Variants in PTX4 observed in about 807,000 individuals in gnomAD.
PTX4 encodes pentraxin 4, also known as pentraxin-4.
In PTX4, 23 loss-of-function variants were observed where a neutral mutation model predicts 19.1. That is an observed-to-expected ratio of 1.20 (90% CI 0.87 to 1.70). The LOEUF (loss-of-function observed/expected upper bound fraction) is 1.70, where lower values mean the gene tolerates loss of function less well. Ranked by LOEUF, PTX4 falls within the 40% of genes most tolerant of loss-of-function variation. The pLI is 0.00. For missense variants in PTX4, 678 were observed against 610.5 expected, an observed-to-expected ratio of 1.11 and a Z score of -1.17; for synonymous variants, 317 against 279.6, an observed-to-expected ratio of 1.13 and a Z score of -1.33.
In PTX4 at chr16:1,487,884, G is replaced by A; in HGVS notation, c.228C>T (p.Phe76=). ...YNVSYNVDVR[F]RSLAEESQAV... The stretch of plus-strand genomic sequence containing the variant: ...CCTGGCTCTCTTCCGCCAGGCTCCG[G>A]AACCGGACGTCAACGTTGTAGGACA... The change falls in exon 2 of 3, where the codon TTC becomes TTT. Residue 76 remains phenylalanine, a synonymous_variant. Coordinates refer to ENST00000447419, the MANE Select transcript of PTX4 (RefSeq NM_001328608.2). The A allele has an allele frequency of 1.9e-6, 3 of 1,612,936 alleles. No individual in the cohort carries two copies. The highest frequency in any genetic ancestry group is 2.5e-6 in the Non-Finnish European group (3 of 1,179,900).
chr16:1,488,510 T>G (rs1355028551), intron 1 of PTX4: 1 of 1,578,028 alleles, frequency 6.3e-7, no homozygotes, highest in East Asian at 2.3e-5. Flanking sequence ...CCTGACTCCC[T>G]TCCAGACCCC....
chr16:1,487,902 G>A lies in PTX4; in HGVS notation c.210C>T (p.Tyr70=), dbSNP rs769960190. 1.9e-6 allele frequency: 3 copies of A among 1,612,222 alleles called. No homozygotes were observed. In the African/African-American group the frequency reaches 4.0e-5, roughly 22 times the overall value. Residue 70 remains tyrosine, a synonymous_variant, in exon 2 of 3, where the codon TAC becomes TAT. Coordinates refer to ENST00000447419, the MANE Select transcript of PTX4 (RefSeq NM_001328608.2). ...QNIASNYNVS[Y]NVDVRFRSLA... Reference sequence around the variant, plus strand: ...GGCTCCGGAACCGGACGTCAACGTTGTAGGACACGTTGTAGTTGCTGGCGA... The same window carrying A: ...GGCTCCGGAACCGGACGTCAACGTTATAGGACACGTTGTAGTTGCTGGCGA...
chr16:1,488,895 C>T lies in PTX4; in HGVS notation c.15G>A (p.Trp5Ter), dbSNP rs1326834761. The change falls in exon 1 of 3, where the codon TGG becomes TGA. Residue 5 changes from tryptophan to a stop codon, truncating the protein, a stop_gained. Transcript: ENST00000447419. LOFTEE classifies it high-confidence loss of function. MGCS[W>*]RKTLSFFLVF... is the part of the protein sequence containing the mutation. ...CAAGGAAGAAAGACAAGGTCTTCCT[C>T]CACGAGCAACCCATCCGGAGAGACG... 1.4e-6 allele frequency: 1 copy of T among 699,826 alleles called. No homozygotes were observed. Among genetic ancestry groups the T allele is most frequent in the African/African-American group, 1.7e-5 (1 of 57,210 alleles). 43.4% of individuals were successfully genotyped at this position (699,826 alleles called of 1,614,324 possible). A position where few individuals can be genotyped will look rare whatever the true frequency, so the allele number is the denominator to read the frequency against.
Position 1,487,872 on chromosome 16 carries a change from C to T in PTX4, c.240G>A (p.Ala80=), listed in dbSNP as rs759677707. 8.1e-6 allele frequency: 13 copies of T among 1,612,930 alleles called. No homozygotes were observed. Among genetic ancestry groups the T allele is most frequent in the African/African-American group, 2.7e-5 (2 of 74,934 alleles). Residue 80 remains alanine (A), a synonymous_variant, in exon 2 of 3, where the codon GCG becomes GCA. Coordinates refer to ENST00000447419, the MANE Select transcript of PTX4 (RefSeq NM_001328608.2). ...YNVDVRFRSL[A]EESQAVAQAV... is the part of the protein sequence containing the mutation. ...CCTGAGCCACAGCCTGGCTCTCTTCCGCCAGGCTCCGGAACCGGACGTCAA... is the reference window on the plus strand; with the variant it reads ...CCTGAGCCACAGCCTGGCTCTCTTCTGCCAGGCTCCGGAACCGGACGTCAA...
At chr16:1,486,676 C>A (rs12928073) in intron 2 of PTX4, 97 bp from the exon 3 acceptor site, 214,468 of 1,296,688 alleles carry the variant, frequency 0.17, 20,369 homozygotes, top group East Asian at 0.48. Context: ...CCACTCCCGG[C>A]TGCCACCCTT....
rs779993013 is a variant in PTX4, at chr16:1,487,953, C to T, written c.159G>A (p.Glu53=). 6.3e-7 allele frequency: 1 copy of T among 1,584,826 alleles called. No homozygotes were observed. ...TGTTCTGCAGGTGTGTCCAGGTCACCTCCTGGAATCTCCGGAACTGTAAGG... is the reference window on the plus strand; with the variant it reads ...TGTTCTGCAGGTGTGTCCAGGTCACTTCCTGGAATCTCCGGAACTGTAAGG... The part of the protein sequence containing the change: ...RLEEQFRRFQ[E]VTWTHLQNIA... Residue 53 remains glutamate (E), a synonymous_variant, in exon 2 of 3, where the codon GAG becomes GAA. Coordinates refer to ENST00000447419, the MANE Select transcript of PTX4 (RefSeq NM_001328608.2).
At position 1,487,460 on chromosome 16, in the gene PTX4, C is replaced by T; in HGVS notation, c.652G>A (p.Glu218Lys). The change falls in exon 2 of 3, where the codon GAG (glutamate) becomes AAG (lysine). Residue 218 changes from glutamate (E) to lysine (K), a missense_variant. Coordinates refer to ENST00000447419, the MANE Select transcript of PTX4 (RefSeq NM_001328608.2). ...RDRQELRAAS[E>K]HRGPPQDSSA... is the part of the protein sequence containing the mutation. ...GAGTCCTGTGGGGGGCCCCTGTGCT[C>T]AGAGGCAGCTCGGAGCTCCTGCCTG... is the stretch of plus-strand genomic sequence containing the variant. 1 of 1,509,968 alleles carries T rather than the reference C, an allele frequency of 6.6e-7. No homozygotes were observed. Among genetic ancestry groups the T allele is most frequent in the Non-Finnish European group, 8.8e-7 (1 of 1,130,614 alleles). The allele number at this position is 1,509,968 out of a possible 1,614,324, so 93.5% of individuals were successfully genotyped here. A position where few individuals can be genotyped will look rare whatever the true frequency, so the allele number is the denominator to read the frequency against.
At chr16:1,488,346 C>A (rs766152448) in intron 1 of PTX4, 1 of 1,613,422 alleles carries the variant, frequency 6.2e-7, no homozygotes, top group Non-Finnish European at 8.5e-7. Flanking sequence ...AAGCACCCAG[C>A]GCAGGCCCGA....
intron 1 of PTX4, chr16:1,488,518 C>T (rs1225315490): frequency 3.9e-6 from 6 of 1,552,928 alleles, no homozygotes; most frequent in Non-Finnish European, 5.3e-6. Flanking sequence ...CCTTCCAGAC[C>T]CCCTTCTAGC....
At chr16:1,487,191 C>T (rs1183623063) in intron 2 of PTX4, 125 bp downstream of exon 2, 10 of 960,600 alleles carry the variant, frequency 1.0e-5, no homozygotes, top group South Asian at 7.3e-5. Context: ...CCCGATGATC[C>T]GAGACCCTCT....
chr16:1,487,770 T>TCGG lies in PTX4; in HGVS notation c.339_341dup (p.Arg114dup). 1 of 1,612,850 alleles carries TCGG rather than the reference T, an allele frequency of 6.2e-7. No homozygotes were observed. Among genetic ancestry groups the TCGG allele is most frequent in the Non-Finnish European group, 8.5e-7 (1 of 1,179,754 alleles). ...GCAGCCGCGTGTCTACTTTCCGGCC[T>TCGG]CGGCGCTGCAGCTTCCTCACCCAGG... On this transcript the variant is annotated inframe_insertion, in exon 2 of 3. Coordinates refer to ENST00000447419, the MANE Select transcript of PTX4 (RefSeq NM_001328608.2).
Position 1,486,545 on chromosome 16 carries a change from G to T in PTX4, c.831C>A (p.Asn277Lys), listed in dbSNP as rs566203805. 3 of 1,563,774 alleles carry T rather than the reference G, an allele frequency of 1.9e-6. No homozygotes were observed. The highest frequency in any genetic ancestry group is 1.4e-5 in the African/African-American group (1 of 72,908). Residue 277 changes from asparagine to lysine, a missense_variant, in exon 3 of 3, where the codon AAC (asparagine) becomes AAA (lysine). Transcript: ENST00000447419. ...CGVGPTLVFPNASTRNVVFLS... is the reference protein window; with the variant it reads ...CGVGPTLVFPKASTRNVVFLS... Reference sequence around the variant, plus strand: ...GGAAGACCACGTTCCTGGTGGAGGCGTTTGGGAAAACGAGGGTGGGGCCCA... The same window carrying T: ...GGAAGACCACGTTCCTGGTGGAGGCTTTTGGGAAAACGAGGGTGGGGCCCA...
At chr16:1,488,107 AT>A in intron 1 of PTX4, 137 bp from the exon 2 acceptor site, 1 of 1,066,084 alleles carries the variant, frequency 9.4e-7, no homozygotes. Context: ...CTGCCCACCG[AT>A]TTGATCCCCA....
Position 1,486,446 on chromosome 16 carries a change from C to G in PTX4, c.930G>C (p.Leu310=). 1 of 1,613,740 alleles carries G rather than the reference C, an allele frequency of 6.2e-7. No individual in the cohort carries two copies. Among genetic ancestry groups the G allele is most frequent in the East Asian group, 2.2e-5 (1 of 44,878 alleles). ...CGGTGGCGTAGGACAGGAGGGTGCC[C>G]AGGCGGCCGGAGGCCGTGCGGACCC... is the stretch of plus-strand genomic sequence containing the variant. ...CSWVRTASGR[L]GTLLSYATED... is the part of the protein sequence containing the mutation. Residue 310 remains leucine (L), a synonymous_variant, in exon 3 of 3, where the codon CTG becomes CTC. Coordinates refer to ENST00000447419, the MANE Select transcript of PTX4 (RefSeq NM_001328608.2).
chr16:1,486,183 C>G lies in PTX4; in HGVS notation c.1193G>C (p.Gly398Ala). The G allele has an allele frequency of 6.2e-7, 1 of 1,613,880 alleles. No homozygotes were observed. Among genetic ancestry groups the G allele is most frequent in the Non-Finnish European group, 8.5e-7 (1 of 1,179,940 alleles). The change falls in exon 3 of 3, where the codon GGA becomes GCA. Residue 398 changes from glycine (G) to alanine (A), a missense_variant. By Grantham distance (60) the Gly-to-Ala change is moderately conservative. Coordinates refer to ENST00000447419, the MANE Select transcript of PTX4 (RefSeq NM_001328608.2). ...TTCCTGGCCCAGCACGAGGGACCCT[C>G]CGGGGGGGATCTCATAGCCCTCCCT... ...RFREGYEIPP[G>A]GSLVLGQEQD...
At position 1,488,259 on chromosome 16, in the gene PTX4, C is replaced by T. The variant is rs2039267984; in HGVS notation, c.142-289G>A. ...CCATAACCACCGGCAAGTCACTTTC[C>T]CTCGTGATTCCAGCTCCTGCCTGTG... is the stretch of plus-strand genomic sequence containing the variant. On this transcript the variant is annotated intron_variant, in intron 1 of 2. Transcript: ENST00000447419. 19 of 1,555,928 alleles carry T rather than the reference C, an allele frequency of 1.2e-5. 1 individual carries two copies. In the South Asian group the frequency reaches 2.1e-4, roughly 17 times the overall value.
Position 1,485,919 on chromosome 16 carries a change from A to C in PTX4, c.*20T>G, listed in dbSNP as rs908965792. 1.3e-6 allele frequency: 2 copies of C among 1,581,430 alleles called. No homozygotes were observed. Among genetic ancestry groups the C allele is most frequent in the Non-Finnish European group, 8.6e-7 (1 of 1,165,170 alleles). On this transcript the variant is annotated 3_prime_UTR_variant, in exon 3 of 3. Coordinates refer to ENST00000447419, the MANE Select transcript of PTX4 (RefSeq NM_001328608.2). ...GGGGCATGCTGCCCTTGCTGGCCTC[A>C]GCCCCCGTGCGGCTCGGCCTCAGGG...
At position 1,487,432 on chromosome 16, in the gene PTX4, G is replaced by A. The variant is rs771085563; in HGVS notation, c.680C>T (p.Ser227Leu). 42 of 1,520,246 alleles carry A rather than the reference G, an allele frequency of 2.8e-5. No individual in the cohort carries two copies. In the Admixed American group the frequency reaches 6.3e-4, roughly 23 times the overall value. The allele number at this position is 1,520,246 out of a possible 1,614,324, so 94.2% of individuals were successfully genotyped here. Residue 227 changes from serine (S) to leucine (L), a missense_variant, in exon 2 of 3, where the codon TCG becomes TTG. Coordinates refer to ENST00000447419, the MANE Select transcript of PTX4 (RefSeq NM_001328608.2). The part of the protein sequence containing the change: ...SEHRGPPQDS[S>L]APLQGRREPP... ...CTCCCGCCTCCCTTGGAGAGGGGCC[G>A]AGGAGTCCTGTGGGGGGCCCCTGTG...
intron 1 of PTX4, 149 bp from the exon 2 acceptor site, chr16:1,488,119 C>A: frequency 9.5e-7 from 1 of 1,051,238 alleles, no homozygotes; most frequent in Non-Finnish European, 1.4e-6. Context: ...TTGATCCCCA[C>A]TGCGATGCCG....
Sources: allele counts gnomAD v4.1 joint callset, GRCh38; gene constraint gnomAD v4.1.1; transcripts MANE v1.5; gene names NCBI Gene and HGNC (gene_info 2026-07-23, HGNC 2026-07-21).